Variants in AFG1L observed in about 807,000 individuals in gnomAD.
The protein encoded by AFG1L is AFG1-like ATPase.
A neutral mutation model predicts 62.2 loss-of-function variants in AFG1L; 53 were observed. The observed-to-expected ratio is 0.85, with a 90% CI of 0.68 to 1.07. The LOEUF is 1.07. AFG1L is among the 50% of genes least tolerant of loss of function. The pLI is 0.00. For missense variants in AFG1L, 555 were observed against 590.5 expected, an observed-to-expected ratio of 0.94 and a Z score of 0.62; for synonymous variants, 228 against 210.3, an observed-to-expected ratio of 1.08 and a Z score of -0.73.
chr6:108,380,313 G>A (rs1305772387), intron 6 of AFG1L, among the ~76,000 whole-genome samples: 2 of 152,134 alleles, frequency 1.3e-5, no homozygotes, highest in Non-Finnish European at 2.9e-5. Context: ...ACTGGTTCAG[G>A]CAAGTACGTA....
At chr6:108,295,547 C>T (rs1776735793) in intron 1 of AFG1L, among the ~76,000 whole-genome samples, 1 of 152,004 alleles carries the variant, frequency 6.6e-6, no homozygotes. Context: ...GGGACCCCTA[C>T]CCTCTGCGTT....
intron 6 of AFG1L, among the ~76,000 whole-genome samples, chr6:108,387,293 G>A (rs558262495): frequency 1.6e-4 from 24 of 152,358 alleles, no homozygotes; most frequent in Non-Finnish European, 2.8e-4. Flanking sequence ...CCAAGGTGGC[G>A]AAGGCTGTGG....
At chr6:108,368,520 T>C (rs1459440419) in intron 6 of AFG1L, among the ~76,000 whole-genome samples, 3 of 152,216 alleles carry the variant, frequency 2.0e-5, no homozygotes, top group South Asian at 2.1e-4. Context: ...ATCCATATAA[T>C]GTTATATACA....
intron 6 of AFG1L, among the ~76,000 whole-genome samples, chr6:108,399,178 GTTTTTTTTTTTTTTTTTT>G (rs57304886): frequency 3.2e-5 from 2 of 62,228 alleles, no homozygotes; most frequent in South Asian, 7.5e-4. Flanking sequence ...TCTTTTGTTT[GTTTTTTTTTTTTTTTTTT>G]TTTTTTTTTT....
intron 5 of AFG1L, among the ~76,000 whole-genome samples, chr6:108,358,090 A>G (rs556491609): frequency 3.9e-5 from 6 of 152,364 alleles, no homozygotes; most frequent in Non-Finnish European, 7.3e-5. Flanking sequence ...CTGAAGAGGC[A>G]TACTAACCAC....
chr6:108,331,007 G>T (rs961298588), intron 2 of AFG1L, among the ~76,000 whole-genome samples: 5 of 152,118 alleles, frequency 3.3e-5, no homozygotes, highest in Non-Finnish European at 5.9e-5. Context: ...TTCATTATAG[G>T]CTGGGTGTGG....
chr6:108,343,152 C>T (rs539809434), intron 2 of AFG1L, among the ~76,000 whole-genome samples: 1 of 151,696 alleles, frequency 6.6e-6, no homozygotes, highest in South Asian at 2.1e-4. Context: ...GCAACCTCTG[C>T]CTCCCTGGTT....
At chr6:108,522,181 T>TA (rs371449639) in intron 12 of AFG1L, 116 bp from the exon 13 acceptor site, 5 of 861,756 alleles carry the variant, frequency 5.8e-6, no homozygotes, top group East Asian at 2.7e-5. Context: ...AAAAAAGTTA[T>TA]AAAAAAAGGC....
chr6:108,487,598 G>A (rs1004592544), intron 10 of AFG1L, among the ~76,000 whole-genome samples: 8 of 152,174 alleles, frequency 5.3e-5, no homozygotes, highest in Non-Finnish European at 1.2e-4. Flanking sequence ...AAAGAGCAGT[G>A]CTCACTAGTT....
At chr6:108,379,094 T>C (rs1336375490) in intron 6 of AFG1L, among the ~76,000 whole-genome samples, 1 of 144,610 alleles carries the variant, frequency 6.9e-6, no homozygotes, top group Non-Finnish European at 1.5e-5. Context: ...TACTACAACC[T>C]CCTCCTCCCA....
intron 7 of AFG1L, among the ~76,000 whole-genome samples, chr6:108,417,180 G>A (rs1241844167): frequency 6.6e-6 from 1 of 150,638 alleles, no homozygotes; most frequent in East Asian, 1.9e-4. Flanking sequence ...GCTGCAGTAA[G>A]CCACGATTGC....
chr6:108,463,583 A>T (rs1349497173), intron 8 of AFG1L, among the ~76,000 whole-genome samples: 1 of 152,158 alleles, frequency 6.6e-6, no homozygotes, highest in Non-Finnish European at 1.5e-5. Flanking sequence ...TTTGTGGCTG[A>T]GAAGAGGAGG....
At chr6:108,298,695 A>G (rs1189615759) in intron 1 of AFG1L, among the ~76,000 whole-genome samples, 1 of 152,210 alleles carries the variant, frequency 6.6e-6, no homozygotes, top group Non-Finnish European at 1.5e-5. Flanking sequence ...AGTCTCTTAC[A>G]GTATGTTAAG....
intron 8 of AFG1L, among the ~76,000 whole-genome samples, chr6:108,460,347 A>G (rs1027459920): frequency 6.6e-6 from 1 of 152,192 alleles, no homozygotes; most frequent in African/African-American, 2.4e-5. Context: ...AGAGAATAGA[A>G]AAACATCAGG....
chr6:108,507,865 C>T (rs1341290048), intron 10 of AFG1L, among the ~76,000 whole-genome samples: 1 of 152,006 alleles, frequency 6.6e-6, no homozygotes, highest in Non-Finnish European at 1.5e-5. Flanking sequence ...TCCACAGTCT[C>T]ATCTGGTGCC....
intron 6 of AFG1L, among the ~76,000 whole-genome samples, chr6:108,371,010 C>T (rs1377845378): frequency 2.6e-5 from 4 of 152,090 alleles, no homozygotes; most frequent in East Asian, 3.9e-4. Flanking sequence ...ATACTTGAGG[C>T]GGGTGGAGGG....
At chr6:108,341,300 G>A (rs973558024) in intron 2 of AFG1L, among the ~76,000 whole-genome samples, 7 of 152,096 alleles carry the variant, frequency 4.6e-5, no homozygotes, top group African/African-American at 1.7e-4. Flanking sequence ...ATGTATTCTT[G>A]GTTTGTTGGG....
At chr6:108,500,865 A>G (rs1774168678) in intron 10 of AFG1L, among the ~76,000 whole-genome samples, 1 of 152,088 alleles carries the variant, frequency 6.6e-6, no homozygotes, top group African/African-American at 2.4e-5. Flanking sequence ...GTGTGAGATG[A>G]TAGCTCATTG....
chr6:108,508,013 A>G (rs1396159472), intron 10 of AFG1L, among the ~76,000 whole-genome samples: 2 of 152,206 alleles, frequency 1.3e-5, no homozygotes, highest in African/African-American at 2.4e-5. Context: ...AGTAGCCAAG[A>G]TGGTTTGAAT....
Sources: allele counts gnomAD v4.1 joint callset (sites outside exome capture counted in the v4.1 genomes callset), GRCh38; gene constraint gnomAD v4.1.1; transcripts MANE v1.5; gene names NCBI Gene and HGNC (gene_info 2026-07-23, HGNC 2026-07-21).